GRIA4: variants seen among roughly 807,000 people sequenced by gnomAD.
GRIA4 encodes glutamate receptor 4.
A neutral mutation model predicts 104.0 loss-of-function variants in GRIA4; 34 were observed. That is an observed-to-expected ratio of 0.33 (90% confidence interval 0.25 to 0.44). The LOEUF (loss-of-function observed/expected upper bound fraction) is 0.44. GRIA4 is among the 20% of genes least tolerant of loss of function. The pLI, the probability that GRIA4 is intolerant of heterozygous loss-of-function variation, is 1.00. For missense variants in GRIA4, 750 were observed against 1,096.5 expected (o/e 0.68, Z 4.46); for synonymous variants, 386 against 381.9 (o/e 1.01, Z -0.13).
At chr11:105,707,943 A>G (rs1953767226) in intron 3 of GRIA4, 1 of 152,186 alleles carries the variant, frequency 6.6e-6, no homozygotes, top group Non-Finnish European at 1.5e-5. Context: ...TCTAACCCTT[A>G]GACTGTTGGT....
chr11:105,651,289 C>T (rs186546482), intron 3 of GRIA4, among the ~76,000 whole-genome samples: 35 of 152,042 alleles, frequency 2.3e-4, no homozygotes, highest in Middle Eastern at 3.4e-3. Context: ...ATGACCTCTT[C>T]GAAGTCTACA....
chr11:105,633,801 T>C (rs1300117609), intron 3 of GRIA4, among the ~76,000 whole-genome samples: 25 of 152,186 alleles, frequency 1.6e-4, no homozygotes, highest in Admixed American at 1.6e-3. Context: ...ACCAGTTTAC[T>C]ATTTACAAAA....
intron 16 of GRIA4, among the ~76,000 whole-genome samples, chr11:105,978,376 G>A (rs1859099000): frequency 6.6e-6 from 1 of 151,646 alleles, no homozygotes; most frequent in Non-Finnish European, 1.5e-5. Context: ...TTCTGATTAT[G>A]ATGATAAGTA....
At position 105,974,312 on chromosome 11, in the gene GRIA4, C is replaced by G. The variant is rs766081075; in HGVS notation, c.2412C>G (p.Asp804Glu). The G allele has an allele frequency of 2.5e-6, 4 of 1,613,646 alleles. No individual in the cohort carries two copies. The South Asian group carries it at 4.4e-5, about 18-fold the overall frequency. The change falls in exon 16 of 17, where the codon GAC becomes GAG. Residue 804 changes from aspartate to glutamate, a missense_variant and splice_region_variant. Around this residue, in one of 3 missense-constraint regions of GRIA4, gnomAD observed 272 missense variants for 524.5 expected, o/e 0.52. Coordinates refer to ENST00000282499, the MANE Select transcript of GRIA4 (RefSeq NM_000829.4). ...ECGPKDSGSK[D>E]KTSALSLSNV... ...TGAAGTGTCTTTATCCCCCCTAGGA[C>G]AAGACGAGTGCCTTGAGCCTGAGCA...
At chr11:105,911,972 C>A in intron 10 of GRIA4, 1 of 1,491,840 alleles carries the variant, frequency 6.7e-7, no homozygotes, top group South Asian at 1.3e-5. Context: ...TCTTGTTCTC[C>A]AGTGTAGTAA....
chr11:105,619,649 G>A (rs1942072385), intron 3 of GRIA4, among the ~76,000 whole-genome samples: 1 of 151,882 alleles, frequency 6.6e-6, no homozygotes, highest in African/African-American at 2.4e-5. Context: ...ATAGATTAAA[G>A]GAGGTCAATG....
intron 4 of GRIA4, among the ~76,000 whole-genome samples, chr11:105,764,499 T>C (rs1031840991): frequency 7.9e-5 from 12 of 152,300 alleles, no homozygotes; most frequent in African/African-American, 2.6e-4. Flanking sequence ...CTCAATTATA[T>C]ATGAAATAAA....
intron 3 of GRIA4, among the ~76,000 whole-genome samples, chr11:105,668,675 G>GTTTTTTTTTTTTTTTT (rs368844903): frequency 8.2e-6 from 1 of 121,450 alleles, no homozygotes; most frequent in African/African-American, 3.0e-5. Context: ...ATTATCTTTT[G>GTTTTTTTTTTTTTTTT]TCTTTTTTTT....
intron 10 of GRIA4, chr11:105,911,808 A>ATATATATATATATATATATATATATT (rs1565337189): frequency 3.0e-6 from 1 of 329,772 alleles, no homozygotes; most frequent in Non-Finnish European, 5.7e-6. Flanking sequence ...ATATATATAT[A>ATATATATATATATATATATATATATT]TGTTTCTTTT....
intron 3 of GRIA4, among the ~76,000 whole-genome samples, chr11:105,729,244 A>G (rs1480671203): frequency 1.3e-5 from 2 of 152,236 alleles, no homozygotes; most frequent in Admixed American, 6.5e-5. Context: ...AATAAACTAG[A>G]AAATCTAGGG....
chr11:105,744,665 C>A (rs1939534870), intron 3 of GRIA4, among the ~76,000 whole-genome samples: 1 of 152,164 alleles, frequency 6.6e-6, no homozygotes, highest in Admixed American at 6.5e-5. Context: ...ACCCCTGCTG[C>A]AAGATGTACT....
chr11:105,902,115 G>C (rs1946881456), intron 7 of GRIA4, among the ~76,000 whole-genome samples: 1 of 152,110 alleles, frequency 6.6e-6, no homozygotes, highest in African/African-American at 2.4e-5. Context: ...CCAGAAGCTT[G>C]TTTTATCATG....
At chr11:105,858,715 G>C (rs972668940) in intron 4 of GRIA4, among the ~76,000 whole-genome samples, 71 of 152,168 alleles carry the variant, frequency 4.7e-4, no homozygotes, top group African/African-American at 1.6e-3. Flanking sequence ...AATAAGTTCA[G>C]TTGTTTTAAC....
chr11:105,678,693 C>A (rs1159871184), intron 3 of GRIA4, among the ~76,000 whole-genome samples: 1 of 151,896 alleles, frequency 6.6e-6, no homozygotes, highest in Non-Finnish European at 1.5e-5. Flanking sequence ...ATTGAAATTG[C>A]CATTCAGTTG....
At position 105,636,649 on chromosome 11, in the gene GRIA4, A is replaced by G. The variant is rs116277990; in HGVS notation, c.247+24215A>G. 8.1e-3 allele frequency among the ~76,000 whole-genome samples: 1,226 copies of G among 152,274 alleles called. 19 individuals carry two copies. The highest frequency in any genetic ancestry group is 0.029 in the African/African-American group (1,185 of 41,534). ...AAGTCTAGCCTCATTTAATGCAGCC[A>G]TATGGTGATACTTCCTCACTGGTGT... is the stretch of plus-strand genomic sequence containing the variant. On this transcript the variant is annotated intron_variant, in intron 3 of 16. Coordinates refer to ENST00000282499, the MANE Select transcript of GRIA4 (RefSeq NM_000829.4).
intron 15 of GRIA4, among the ~76,000 whole-genome samples, chr11:105,973,474 T>C (rs1217320157): frequency 2.0e-5 from 3 of 152,106 alleles, no homozygotes; most frequent in Non-Finnish European, 4.4e-5. Flanking sequence ...ACTGAAGCTC[T>C]GAAGAATAAA....
At chr11:105,933,563 T>C (rs1947945393) in intron 13 of GRIA4, among the ~76,000 whole-genome samples, 159 bp from the exon 14 acceptor site, 1 of 152,170 alleles carries the variant, frequency 6.6e-6, no homozygotes, top group African/African-American at 2.4e-5. Flanking sequence ...AGTTTTCCTA[T>C]TTGAAAATAA....
At chr11:105,619,490 A>G (rs932744835) in intron 3 of GRIA4, among the ~76,000 whole-genome samples, 3 of 151,940 alleles carry the variant, frequency 2.0e-5, no homozygotes, top group African/African-American at 7.2e-5. Flanking sequence ...GATATTTCGT[A>G]GAAAATTTTT....
chr11:105,647,488 C>A (rs1020654653), intron 3 of GRIA4, among the ~76,000 whole-genome samples: 1 of 152,098 alleles, frequency 6.6e-6, no homozygotes, highest in African/African-American at 2.4e-5. Context: ...AAGACACATG[C>A]ACATCTATGT....
Sources: gnomAD v4.1 joint callset for allele counts (sites outside exome capture counted in the v4.1 genomes callset) on GRCh38, gnomAD v4.1.1 for gene constraint, gnomAD v4.1.1 regional missense constraint, MANE v1.5 for transcripts, NCBI Gene and HGNC (gene_info 2026-07-23, HGNC 2026-07-21) for gene names.